BABAM2: variants seen among roughly 807,000 people sequenced by gnomAD.
The protein encoded by BABAM2 is BRISC and BRCA1-A complex member 2.
A neutral mutation model predicts 54.7 loss-of-function variants in BABAM2; 31 were observed. The ratio of observed to expected loss-of-function variants is 0.57; its 90% CI spans 0.43 to 0.77. The LOEUF is 0.77. Ranked by LOEUF, BABAM2 falls within the 30% of genes least tolerant of loss-of-function variation. The pLI is 0.00. For synonymous variants in BABAM2, 167 were observed against 162.9 expected, an observed-to-expected ratio of 1.03 and a Z score of -0.19; for missense variants, 364 against 455.8, an observed-to-expected ratio of 0.80 and a Z score of 1.83.
At chr2:28,225,568 G>A (rs540339856) in intron 7 of BABAM2, among the ~76,000 whole-genome samples, 1 of 152,080 alleles carries the variant, frequency 6.6e-6, no homozygotes, top group Non-Finnish European at 1.5e-5. Context: ...TATTTCTGAG[G>A]ATCAGTCACC....
intron 7 of BABAM2, among the ~76,000 whole-genome samples, chr2:28,200,774 G>A (rs955595136): frequency 1.3e-5 from 2 of 151,760 alleles, no homozygotes; most frequent in South Asian, 4.1e-4. Context: ...TTGTTTGTTT[G>A]TTTGTTTGTT....
intron 3 of BABAM2, among the ~76,000 whole-genome samples, chr2:27,962,690 C>G (rs1193101365): frequency 6.6e-6 from 1 of 152,160 alleles, no homozygotes; most frequent in Non-Finnish European, 1.5e-5. Flanking sequence ...GCTCTTCAAG[C>G]TACTATTTTG....
intron 2 of BABAM2, among the ~76,000 whole-genome samples, chr2:27,910,703 G>A (rs1023955735): frequency 1.3e-5 from 2 of 152,008 alleles, no homozygotes; most frequent in Non-Finnish European, 2.9e-5. Context: ...GTGAGGCTTC[G>A]TTTGTTCAGC....
chr2:28,018,255 C>T (rs977099311), intron 4 of BABAM2, among the ~76,000 whole-genome samples: 7 of 152,156 alleles, frequency 4.6e-5, no homozygotes, highest in South Asian at 2.1e-4. Flanking sequence ...TGAGAACATA[C>T]GATGTTTGTT....
chr2:28,107,634 C>A (rs74483161), intron 6 of BABAM2, among the ~76,000 whole-genome samples: 1,606 of 152,312 alleles, frequency 0.011, 14 homozygotes, highest in Middle Eastern at 0.031. Flanking sequence ...CCTTGAAAAG[C>A]CTCATGTGAT....
At chr2:28,110,979 T>C in intron 6 of BABAM2, among the ~76,000 whole-genome samples, 1 of 151,036 alleles carries the variant, frequency 6.6e-6, no homozygotes, top group Non-Finnish European at 1.5e-5. Flanking sequence ...TCTTTTTTTT[T>C]TTTTTTTGAG....
At chr2:28,076,783 G>A (rs1358017374) in intron 6 of BABAM2, among the ~76,000 whole-genome samples, 1 of 152,110 alleles carries the variant, frequency 6.6e-6, no homozygotes, top group Non-Finnish European at 1.5e-5. Context: ...GATTACAGGT[G>A]TGAGCCACCG....
At chr2:28,007,276 T>C (rs1674046299) in intron 4 of BABAM2, among the ~76,000 whole-genome samples, 1 of 152,064 alleles carries the variant, frequency 6.6e-6, no homozygotes, top group South Asian at 2.1e-4. Context: ...ATACATAGAC[T>C]TATATTTACT....
At chr2:28,332,923 G>A (rs1558538101) in intron 11 of BABAM2, among the ~76,000 whole-genome samples, 1 of 152,184 alleles carries the variant, frequency 6.6e-6, no homozygotes, top group Admixed American at 6.5e-5. Flanking sequence ...CTCTGCCTGC[G>A]ATTGCCAGCT....
chr2:28,014,169 T>TG (rs1329651629), intron 4 of BABAM2, among the ~76,000 whole-genome samples: 2 of 152,022 alleles, frequency 1.3e-5, no homozygotes, highest in African/African-American at 4.8e-5. Flanking sequence ...ACATACAGGA[T>TG]GGGGGGAGGT....
In BABAM2 at chr2:28,290,149, C is replaced by T. The variant is rs542252797; in HGVS notation, c.935-8189C>T. ...GGTCCTTGAGATTCATCTAGGTTGA[C>T]ACATGTAGCCCTAGCTCATTCATTT... On this transcript the variant is annotated intron_variant, in intron 10 of 11. Transcript: ENST00000379624. Among the ~76,000 whole-genome samples the T allele has an allele frequency of 2.9e-4, 44 of 152,304 alleles. 1 individual carries two copies. Among genetic ancestry groups the T allele is most frequent in the African/African-American group, 1.0e-3 (42 of 41,572 alleles).
chr2:28,139,420 T>C (rs1030624879), intron 7 of BABAM2, among the ~76,000 whole-genome samples: 1 of 150,458 alleles, frequency 6.6e-6, no homozygotes, highest in Admixed American at 6.6e-5. Flanking sequence ...AATGCAAAGA[T>C]TAGCTGGGTT....
chr2:28,260,299 CTTTTT>C (rs965855673), intron 10 of BABAM2, among the ~76,000 whole-genome samples: 4 of 120,426 alleles, frequency 3.3e-5, no homozygotes, highest in Non-Finnish European at 5.3e-5. Flanking sequence ...TATTTCTTTT[CTTTTT>C]TTTTTTTTTT....
intron 4 of BABAM2, among the ~76,000 whole-genome samples, chr2:27,997,790 A>G (rs1573358315): frequency 6.6e-6 from 1 of 152,206 alleles, no homozygotes; most frequent in East Asian, 1.9e-4. Flanking sequence ...GATTTACTCT[A>G]TTGAATTTGT....
intron 10 of BABAM2, among the ~76,000 whole-genome samples, chr2:28,262,122 A>C (rs1434765580): frequency 6.6e-6 from 1 of 152,212 alleles, no homozygotes; most frequent in East Asian, 1.9e-4. Flanking sequence ...GTGTAAACAA[A>C]GGCACAGAGG....
chr2:28,285,331 G>C (rs1686700317), intron 10 of BABAM2, among the ~76,000 whole-genome samples: 1 of 152,270 alleles, frequency 6.6e-6, no homozygotes, highest in African/African-American at 2.4e-5. Flanking sequence ...CAGATAAGCT[G>C]TTCCCCACCC....
At chr2:27,975,869 TA>T (rs1168288149) in intron 3 of BABAM2, among the ~76,000 whole-genome samples, 11 of 151,244 alleles carry the variant, frequency 7.3e-5, no homozygotes, top group African/African-American at 1.7e-4. Flanking sequence ...CCAACAACAA[TA>T]AAAAAAATGG....
At chr2:28,312,878 T>C (rs1356180072) in intron 11 of BABAM2, among the ~76,000 whole-genome samples, 1 of 152,184 alleles carries the variant, frequency 6.6e-6, no homozygotes, top group Non-Finnish European at 1.5e-5. Context: ...TGACTTTCAG[T>C]TCATCATTTT....
intron 4 of BABAM2, among the ~76,000 whole-genome samples, chr2:27,996,024 G>A (rs964470345): frequency 2.0e-5 from 3 of 152,136 alleles, no homozygotes; most frequent in Non-Finnish European, 4.4e-5. Context: ...TGTGTTAATT[G>A]TATTTGTTTT....
Sources: gnomAD v4.1 joint callset for allele counts (sites outside exome capture counted in the v4.1 genomes callset) on GRCh38, gnomAD v4.1.1 for gene constraint, MANE v1.5 for transcripts, NCBI Gene and HGNC (gene_info 2026-07-23, HGNC 2026-07-21) for gene names.